Variants in EPB41L4B observed in about 807,000 individuals in gnomAD.
The protein encoded by EPB41L4B is erythrocyte membrane protein band 4.1 like 4B.
In EPB41L4B, 30 loss-of-function variants were observed where a neutral mutation model predicts 112.5. The ratio of observed to expected loss-of-function variants is 0.27; its 90% confidence interval spans 0.20 to 0.36. The LOEUF (loss-of-function observed/expected upper bound fraction) is 0.36. Among genes scored for constraint, EPB41L4B ranks in the 10% least tolerant of loss-of-function variants. EPB41L4B has a pLI of 1.00. For missense variants in EPB41L4B, 1,024 were observed against 1,133.3 expected (o/e 0.90, Z 1.38); for synonymous variants, 408 against 439.7 (o/e 0.93, Z 0.90).
In EPB41L4B at chr9:109,286,004, ACTGAGAGCACTC is replaced by A. The variant is rs150191264; in HGVS notation, c.307-6095_307-6084del. On this transcript the variant is annotated intron_variant, in intron 1 of 25. Coordinates refer to ENST00000374566, the MANE Select transcript of EPB41L4B (RefSeq NM_019114.5). ...CTCCTGTGTCAGAATCCTACTTCTGACTGAGAGCACTCCCTCCCTGAGGACAGGGACCAGCTG... is the reference window on the plus strand; with the variant it reads ...CTCCTGTGTCAGAATCCTACTTCTGACCTCCCTGAGGACAGGGACCAGCTG... 3.8e-3 allele frequency among the ~76,000 whole-genome samples: 583 copies of A among 152,118 alleles called. 8 individuals are homozygous for A. The highest frequency in any genetic ancestry group is 0.013 in the African/African-American group (538 of 41,484).
intron 20 of EPB41L4B, among the ~76,000 whole-genome samples, chr9:109,196,762 C>A (rs1455924470): frequency 6.7e-6 from 1 of 150,194 alleles, no homozygotes; most frequent in Non-Finnish European, 1.5e-5. Context: ...GCCTTAAACT[C>A]TCTGTAGAGA....
At chr9:109,204,335 C>T (rs578099661) in intron 18 of EPB41L4B, among the ~76,000 whole-genome samples, 191 of 109,162 alleles carry the variant, frequency 1.7e-3, no homozygotes, top group Middle Eastern at 8.5e-3. Flanking sequence ...GCCCTCACGA[C>T]CATCACAACA....
chr9:109,243,141 T>C (rs1834410685), intron 15 of EPB41L4B, among the ~76,000 whole-genome samples: 1 of 147,926 alleles, frequency 6.8e-6, no homozygotes, highest in East Asian at 2.0e-4. Context: ...AAAAAGTTTA[T>C]TGACCCCTCA....
intron 15 of EPB41L4B, among the ~76,000 whole-genome samples, chr9:109,227,801 C>T (rs191452925): frequency 2.2e-4 from 34 of 152,206 alleles, no homozygotes; most frequent in African/African-American, 5.5e-4. Flanking sequence ...AGGATGGTCT[C>T]GATCTCTTGA....
At position 109,208,033 on chromosome 9, in the gene EPB41L4B, A is replaced by G. The variant is rs750774006; in HGVS notation, c.1769T>C (p.Val590Ala). 1.9e-6 allele frequency: 3 copies of G among 1,614,162 alleles called. No homozygotes were observed. Among genetic ancestry groups the G allele is most frequent in the Non-Finnish European group, 2.5e-6 (3 of 1,180,040 alleles). The change falls in exon 18 of 26, where the codon GTC becomes GCC. Residue 590 changes from valine (V) to alanine (A), a missense_variant. Coordinates refer to ENST00000374566, the MANE Select transcript of EPB41L4B (RefSeq NM_019114.5). ...TGGAGTCTGAAGAGTTTTCTCCGAG[A>G]CTTTCTTTTCTTCAGCCTGAGACAA... Reference protein sequence around the residue: ...ININKAEEKKVSEKTLQTPLL... With the variant: ...ININKAEEKKASEKTLQTPLL...
intron 25 of EPB41L4B, 71 bp from the exon 26 acceptor site, chr9:109,174,694 C>T: frequency 7.6e-7 from 1 of 1,310,602 alleles, no homozygotes; most frequent in Non-Finnish European, 1.1e-6. Flanking sequence ...GCTTAAGTAT[C>T]ATCTCCCAGG....
intron 1 of EPB41L4B, among the ~76,000 whole-genome samples, chr9:109,308,853 G>A (rs148666614): frequency 4.0e-4 from 61 of 152,306 alleles, no homozygotes; most frequent in East Asian, 3.9e-3. Flanking sequence ...TGAGGCAGGC[G>A]GATCGCTTGA....
intron 19 of EPB41L4B, among the ~76,000 whole-genome samples, chr9:109,202,576 G>C (rs1419242600): frequency 1.3e-5 from 2 of 152,174 alleles, no homozygotes; most frequent in Non-Finnish European, 2.9e-5. Context: ...GCTGGTGTTA[G>C]TAAACCACCA....
chr9:109,243,982 C>T (rs1274140616), intron 14 of EPB41L4B, among the ~76,000 whole-genome samples: 2 of 152,116 alleles, frequency 1.3e-5, no homozygotes, highest in Non-Finnish European at 2.9e-5. Context: ...GTCCGGAGTA[C>T]CAGAGACAAG....
At chr9:109,241,258 C>T (rs571113996) in intron 15 of EPB41L4B, 11 of 995,048 alleles carry the variant, frequency 1.1e-5, no homozygotes, top group Non-Finnish European at 1.2e-5. Flanking sequence ...CCAGGCCACA[C>T]TAGGGAAACT....
At chr9:109,247,884 C>A in intron 13 of EPB41L4B, 95 bp from the exon 14 acceptor site, 1 of 986,418 alleles carries the variant, frequency 1.0e-6, no homozygotes, top group South Asian at 2.1e-5. Context: ...TGAACTATTC[C>A]TATGTGCTAC....
At chr9:109,182,386 G>A (rs1588116374) in intron 24 of EPB41L4B, among the ~76,000 whole-genome samples, 1 of 152,296 alleles carries the variant, frequency 6.6e-6, no homozygotes, top group East Asian at 1.9e-4. Flanking sequence ...GCAGACTGGT[G>A]GTTGCCAGCA....
intron 24 of EPB41L4B, 45 bp from the exon 25 acceptor site, chr9:109,176,741 C>T (rs201716833): frequency 6.2e-7 from 1 of 1,608,210 alleles, no homozygotes; most frequent in African/African-American, 1.3e-5. Context: ...AATTTGGGTT[C>T]CATTTTCACA....
At chr9:109,257,504 T>C (rs920819372) in intron 7 of EPB41L4B, among the ~76,000 whole-genome samples, 6 of 152,154 alleles carry the variant, frequency 3.9e-5, no homozygotes, top group Admixed American at 1.3e-4. Flanking sequence ...CAACAGGGTA[T>C]ATTTCTAAAT....
At chr9:109,185,386 G>A (rs748474445) in intron 23 of EPB41L4B, 103 bp downstream of exon 23, 1 of 947,840 alleles carries the variant, frequency 1.1e-6, no homozygotes, top group African/African-American at 1.6e-5. Flanking sequence ...CTCTGCCCGA[G>A]ATCTGGGGCT....
chr9:109,221,176 C>T (rs938174650), intron 15 of EPB41L4B, among the ~76,000 whole-genome samples: 4 of 150,740 alleles, frequency 2.7e-5, no homozygotes, highest in African/African-American at 9.7e-5. Context: ...ACATGGAGAC[C>T]TTTACCTGTT....
rs182923357 is a variant in EPB41L4B, at chr9:109,288,284, G to A, written c.307-8363C>T. Among the ~76,000 whole-genome samples the A allele has an allele frequency of 3.9e-5, 6 of 152,250 alleles. No individual in the cohort carries two copies. In the East Asian group the frequency reaches 5.8e-4, roughly 15 times the overall value. On this transcript the variant is annotated intron_variant, in intron 1 of 25. Transcript: ENST00000374566. ...TCTTGGATATCCAGGCCCCAGAACCGTAAGAAAAAGTTTCTGGGCCAGGCA... is the reference window on the plus strand; with the variant it reads ...TCTTGGATATCCAGGCCCCAGAACCATAAGAAAAAGTTTCTGGGCCAGGCA...
At chr9:109,176,237 C>G (rs1400548861) in intron 25 of EPB41L4B, among the ~76,000 whole-genome samples, 1 of 152,016 alleles carries the variant, frequency 6.6e-6, no homozygotes. Flanking sequence ...AAGTGATTCT[C>G]CTGCCTCAGC....
chr9:109,235,554 C>T lies in EPB41L4B; in HGVS notation c.1409+8064G>A, dbSNP rs145787284. Among the ~76,000 whole-genome samples the T allele has an allele frequency of 1.2e-4, 19 of 152,180 alleles. 1 individual carries two copies. Among genetic ancestry groups the T allele is most frequent in the East Asian group, 3.9e-4 (2 of 5,166 alleles). On this transcript the variant is annotated intron_variant, in intron 15 of 25. Coordinates refer to ENST00000374566, the MANE Select transcript of EPB41L4B (RefSeq NM_019114.5). ...GGGACTACACAGGCACACACCACCACGCCCGGCTAGTTTTTGCATTTTTAG... is the reference window on the plus strand; with the variant it reads ...GGGACTACACAGGCACACACCACCATGCCCGGCTAGTTTTTGCATTTTTAG...
Sources: gnomAD v4.1 joint callset for allele counts (sites outside exome capture counted in the v4.1 genomes callset) on GRCh38, gnomAD v4.1.1 for gene constraint, MANE v1.5 for transcripts, NCBI Gene and HGNC (gene_info 2026-07-23, HGNC 2026-07-21) for gene names.